Variants in MND1 observed in about 807,000 individuals in gnomAD.
The protein encoded by MND1 is meiotic nuclear divisions 1.
MND1 carries 28 observed loss-of-function variants against 35.1 expected under a neutral mutation model. The observed-to-expected ratio is 0.80, with a 90% CI of 0.59 to 1.09. MND1 has a LOEUF of 1.09. Among genes scored for constraint, MND1 ranks in the 50% least tolerant of loss-of-function variants. The pLI, the probability that MND1 is intolerant of heterozygous loss-of-function variation, is 0.00. For missense variants in MND1, 213 were observed against 239.6 expected (o/e 0.89, Z 0.73); for synonymous variants, 69 against 70.5 (o/e 0.98, Z 0.11).
chr4:153,365,964 A>G (rs1268509414), intron 4 of MND1, among the ~76,000 whole-genome samples: 1 of 101,204 alleles, frequency 9.9e-6, no homozygotes, highest in Non-Finnish European at 1.8e-5. Flanking sequence ...AAATGCAAAA[A>G]TTTATTCTCA....
intron 4 of MND1, among the ~76,000 whole-genome samples, chr4:153,393,338 T>G (rs1048598251): frequency 6.6e-6 from 1 of 151,660 alleles, no homozygotes; most frequent in East Asian, 1.9e-4. Flanking sequence ...ATATAAAAGA[T>G]TTTTTTGGAT....
chr4:153,411,236 AGG>A (rs1452617247), intron 7 of MND1, among the ~76,000 whole-genome samples: 1 of 152,200 alleles, frequency 6.6e-6, no homozygotes, highest in Non-Finnish European at 1.5e-5. Flanking sequence ...ATGAGTGAAG[AGG>A]GACAGGTGTT....
chr4:153,356,590 C>G (rs558322199), intron 3 of MND1, among the ~76,000 whole-genome samples: 41 of 137,838 alleles, frequency 3.0e-4, no homozygotes, highest in Non-Finnish European at 4.7e-4. Flanking sequence ...ATGTATAAAT[C>G]TGAAGTTTTA....
intron 4 of MND1, among the ~76,000 whole-genome samples, chr4:153,393,969 C>G (rs1261638822): frequency 1.9e-5 from 2 of 105,892 alleles, no homozygotes; most frequent in African/African-American, 3.9e-5. Context: ...CTTGCTCTGT[C>G]GCCAGGCTGG....
intron 4 of MND1, among the ~76,000 whole-genome samples, chr4:153,387,023 G>A (rs1319337739): frequency 1.3e-5 from 2 of 152,124 alleles, no homozygotes; most frequent in African/African-American, 4.8e-5. Context: ...TTAATCTTTT[G>A]AGAATATATT....
At chr4:153,359,400 A>G (rs998774175) in intron 4 of MND1, among the ~76,000 whole-genome samples, 4 of 152,204 alleles carry the variant, frequency 2.6e-5, no homozygotes, top group Non-Finnish European at 4.4e-5. Flanking sequence ...ATATTTCGTT[A>G]TATGAATATA....
At position 153,415,051 on chromosome 4, in the gene MND1, C is replaced by T. The variant is rs1729799131; in HGVS notation, c.*194C>T. Reference sequence around the variant, plus strand: ...AAGCAGGATGATAACCATATCCCCCCAGTGCTCATCAAAGTAGGACAATAA... The same window carrying T: ...AAGCAGGATGATAACCATATCCCCCTAGTGCTCATCAAAGTAGGACAATAA... On this transcript the variant is annotated 3_prime_UTR_variant, in exon 8 of 8. Transcript: ENST00000240488. 3 of 349,190 alleles carry T rather than the reference C, an allele frequency of 8.6e-6. No homozygotes were observed. Among genetic ancestry groups the T allele is most frequent in the Non-Finnish European group, 5.3e-6 (1 of 189,830 alleles). The allele number at this position is 349,190 out of a possible 1,614,324, so 21.6% of individuals were successfully genotyped here.
chr4:153,390,011 G>A (rs1728976491), intron 4 of MND1, among the ~76,000 whole-genome samples: 1 of 147,074 alleles, frequency 6.8e-6, no homozygotes. Flanking sequence ...AGCAACCTGT[G>A]CCTTAAAAAG....
intron 4 of MND1, 135 bp downstream of exon 4, chr4:153,358,757 A>G: frequency 9.0e-6 from 7 of 777,492 alleles, no homozygotes. Flanking sequence ...GATAATTAAC[A>G]TCTGTTTCTC....
chr4:153,346,245 A>C (rs1773074339), intron 1 of MND1, among the ~76,000 whole-genome samples: 1 of 152,226 alleles, frequency 6.6e-6, no homozygotes, highest in Admixed American at 6.5e-5. Context: ...GAACTCTGAG[A>C]GCAGCAGTGA....
chr4:153,390,045 T>C (rs909455247), intron 4 of MND1, among the ~76,000 whole-genome samples: 1 of 148,216 alleles, frequency 6.7e-6, no homozygotes, highest in Non-Finnish European at 1.5e-5. Context: ...TTTTTTTTTT[T>C]ATATGCTAAA....
intron 2 of MND1, among the ~76,000 whole-genome samples, chr4:153,352,519 G>A (rs760479032): frequency 2.0e-5 from 3 of 151,966 alleles, no homozygotes; most frequent in Non-Finnish European, 2.9e-5. Flanking sequence ...TCACAGTGTT[G>A]GTATGGGGAT....
At chr4:153,361,299 T>A (rs1773484770) in intron 4 of MND1, among the ~76,000 whole-genome samples, 1 of 152,252 alleles carries the variant, frequency 6.6e-6, no homozygotes, top group African/African-American at 2.4e-5. Context: ...TTCTTAGTTA[T>A]TTTTCCTCAG....
At chr4:153,364,618 C>G (rs1233242902) in intron 4 of MND1, among the ~76,000 whole-genome samples, 1 of 152,034 alleles carries the variant, frequency 6.6e-6, no homozygotes, top group Non-Finnish European at 1.5e-5. Flanking sequence ...ATTACAGTAG[C>G]TGAAAGGTAG....
intron 4 of MND1, among the ~76,000 whole-genome samples, chr4:153,386,828 C>A (rs892360972): frequency 6.6e-6 from 1 of 152,118 alleles, no homozygotes; most frequent in Non-Finnish European, 1.5e-5. Flanking sequence ...TAATCCCCTA[C>A]ATGTTTTTAA....
At chr4:153,381,362 A>G (rs1728676806) in intron 4 of MND1, among the ~76,000 whole-genome samples, 1 of 151,568 alleles carries the variant, frequency 6.6e-6, no homozygotes, top group African/African-American at 2.4e-5. Flanking sequence ...CCCATTCCCA[A>G]ACACCCCTCA....
At chr4:153,376,963 T>C (rs918229615) in intron 4 of MND1, among the ~76,000 whole-genome samples, 1 of 152,236 alleles carries the variant, frequency 6.6e-6, no homozygotes, top group African/African-American at 2.4e-5. Flanking sequence ...AAAAACCTTA[T>C]ACTAATTTGG....
At chr4:153,404,407 G>A (rs1421376004) in intron 6 of MND1, among the ~76,000 whole-genome samples, 2 of 146,964 alleles carry the variant, frequency 1.4e-5, no homozygotes, top group African/African-American at 5.0e-5. Context: ...TGGCCAGGAT[G>A]GTCTCGATCT....
chr4:153,390,625 T>G (rs1467349016), intron 4 of MND1, among the ~76,000 whole-genome samples: 1 of 152,060 alleles, frequency 6.6e-6, no homozygotes, highest in African/African-American at 2.4e-5. Flanking sequence ...GGTGCACTAA[T>G]TGCTCGAGCC....
Sources: gnomAD v4.1 joint callset for allele counts (sites outside exome capture counted in the v4.1 genomes callset) on GRCh38, gnomAD v4.1.1 for gene constraint, MANE v1.5 for transcripts, NCBI Gene and HGNC (gene_info 2026-07-23, HGNC 2026-07-21) for gene names.